The following THADA variants were observed in gnomAD, a reference collection of about 807,000 sequenced individuals.
The protein encoded by THADA is tRNA (32-2'-O)-methyltransferase regulator THADA.
In THADA, 213 loss-of-function variants were observed where a neutral mutation model predicts 219.8. The observed-to-expected ratio is 0.97, with a 90% CI of 0.87 to 1.09. The LOEUF is 1.09. Among genes scored for constraint, THADA ranks in the 50% least tolerant of loss-of-function variants. The pLI is 0.00. For missense variants in THADA, 2,956 were observed against 2,311.3 expected (o/e 1.28, Z -5.72); for synonymous variants, 1,018 against 828.9 (o/e 1.23, Z -3.92).
intron 29 of THADA, among the ~76,000 whole-genome samples, chr2:43,363,360 G>A (rs979495903): frequency 6.6e-6 from 1 of 152,134 alleles, no homozygotes; most frequent in Non-Finnish European, 1.5e-5. Flanking sequence ...ATAATCTTAT[G>A]GGACCACTGT....
At chr2:43,346,101 G>A (rs1053565075) in intron 29 of THADA, among the ~76,000 whole-genome samples, 14 of 152,032 alleles carry the variant, frequency 9.2e-5, no homozygotes, top group South Asian at 6.2e-4. Flanking sequence ...GAACTGTGGC[G>A]GAAATAAGCA....
chr2:43,544,110 A>G (rs1385892787), intron 20 of THADA, among the ~76,000 whole-genome samples: 2 of 152,162 alleles, frequency 1.3e-5, no homozygotes, highest in African/African-American at 4.8e-5. Context: ...TTTTCCCAGC[A>G]CCATTTATTA....
chr2:43,579,320 G>C, intron 8 of THADA, among the ~76,000 whole-genome samples: 1 of 152,128 alleles, frequency 6.6e-6, no homozygotes, highest in Non-Finnish European at 1.5e-5. Context: ...TTTTCAAAAA[G>C]AGATTTCAGG....
chr2:43,444,885 T>C (rs1558771245), intron 26 of THADA, among the ~76,000 whole-genome samples: 1 of 152,130 alleles, frequency 6.6e-6, no homozygotes, highest in Non-Finnish European at 1.5e-5. Flanking sequence ...AGTAAGGAAC[T>C]GCATAGGAAA....
chr2:43,361,223 T>C (rs1669484129), intron 29 of THADA, among the ~76,000 whole-genome samples: 1 of 152,196 alleles, frequency 6.6e-6, no homozygotes, highest in Non-Finnish European at 1.5e-5. Context: ...AGTCAAGACA[T>C]AGCTGGTAGC....
chr2:43,519,559 C>T (rs1558900108), intron 22 of THADA, among the ~76,000 whole-genome samples: 2 of 152,210 alleles, frequency 1.3e-5, no homozygotes, highest in Non-Finnish European at 2.9e-5. Flanking sequence ...TATTCAAGTC[C>T]TCACATCCCT....
chr2:43,284,775 C>T (rs1558517043), intron 35 of THADA, among the ~76,000 whole-genome samples: 1 of 152,214 alleles, frequency 6.6e-6, no homozygotes, highest in African/African-American at 2.4e-5. Context: ...CACTCAACAC[C>T]ACCCTGTGAA....
At chr2:43,461,020 T>G (rs908081531) in intron 26 of THADA, among the ~76,000 whole-genome samples, 11 of 152,062 alleles carry the variant, frequency 7.2e-5, no homozygotes, top group Non-Finnish European at 1.3e-4. Flanking sequence ...GAGGCAGAGG[T>G]GTATAAGGTT....
chr2:43,382,166 C>T (rs1331167643), intron 29 of THADA, among the ~76,000 whole-genome samples: 1 of 152,074 alleles, frequency 6.6e-6, no homozygotes, highest in Non-Finnish European at 1.5e-5. Context: ...AATGTGGTAA[C>T]CTGGATGGGA....
In THADA at chr2:43,308,758, C is replaced by CAAAAAAAAAAAAA. The variant is rs57697839; in HGVS notation, c.4438+11675_4438+11687dup. 5.9e-5 allele frequency among the ~76,000 whole-genome samples: 3 copies of CAAAAAAAAAAAAA among 50,862 alleles called. 1 individual carries two copies. The highest frequency in any genetic ancestry group is 3.0e-5 in the Non-Finnish European group (1 of 33,008). 33.4% of individuals were successfully genotyped at this position (50,862 alleles called of 152,430 possible). On this transcript the variant is annotated intron_variant, in intron 31 of 37. Coordinates refer to ENST00000405975, the MANE Select transcript of THADA (RefSeq NM_022065.5). ...GTGCTGAAACATTGGATACCCATAC[C>CAAAAAAAAAAAAA]AAAAAAAAAAAAAAAAAAAAAAAAA...
At chr2:43,455,401 T>G (rs930367420) in intron 26 of THADA, among the ~76,000 whole-genome samples, 3 of 152,168 alleles carry the variant, frequency 2.0e-5, no homozygotes, top group African/African-American at 7.2e-5. Context: ...TTTCTTTCTA[T>G]TGTTGATTAT....
At chr2:43,370,976 T>C (rs1670733794) in intron 29 of THADA, among the ~76,000 whole-genome samples, 2 of 152,198 alleles carry the variant, frequency 1.3e-5, no homozygotes, top group Admixed American at 1.3e-4. Flanking sequence ...AACTCCACAG[T>C]AACAAAAGAG....
At chr2:43,536,258 G>A (rs931264881) in intron 21 of THADA, among the ~76,000 whole-genome samples, 8 of 152,088 alleles carry the variant, frequency 5.3e-5, no homozygotes, top group Admixed American at 3.9e-4. Context: ...ATCAGTTGGC[G>A]GTAGATACAT....
intron 36 of THADA, among the ~76,000 whole-genome samples, chr2:43,250,123 C>G (rs1669663630): frequency 1.3e-5 from 2 of 152,166 alleles, no homozygotes; most frequent in African/African-American, 4.8e-5. Context: ...GCACTATTCA[C>G]AGTAGCCAAG....
At chr2:43,414,040 A>T (rs984638281) in intron 28 of THADA, among the ~76,000 whole-genome samples, 8 of 152,184 alleles carry the variant, frequency 5.3e-5, no homozygotes, top group African/African-American at 1.9e-4. Context: ...TACAATGTAA[A>T]TGTTATGTAA....
At chr2:43,304,160 C>G (rs1676577145) in intron 31 of THADA, among the ~76,000 whole-genome samples, 2 of 152,168 alleles carry the variant, frequency 1.3e-5, no homozygotes, top group African/African-American at 2.4e-5. Context: ...GGCCTTCACT[C>G]TTACGTCACT....
chr2:43,510,147 A>C (rs921835466), intron 22 of THADA, among the ~76,000 whole-genome samples: 1 of 152,240 alleles, frequency 6.6e-6, no homozygotes, highest in African/African-American at 2.4e-5. Context: ...GTGCCACTGC[A>C]CTGTGAACAT....
intron 29 of THADA, among the ~76,000 whole-genome samples, chr2:43,393,014 C>A (rs1321385335): frequency 6.6e-6 from 1 of 152,132 alleles, no homozygotes; most frequent in African/African-American, 2.4e-5. Context: ...TTTTGTCAAA[C>A]CCTTAAGGAT....
intron 36 of THADA, among the ~76,000 whole-genome samples, chr2:43,268,098 G>A (rs1671726028): frequency 6.6e-6 from 1 of 152,202 alleles, no homozygotes. Context: ...CCCACCTGCT[G>A]TTCTCTGCCT....
Sources: allele counts gnomAD v4.1 joint callset (sites outside exome capture counted in the v4.1 genomes callset), GRCh38; gene constraint gnomAD v4.1.1; transcripts MANE v1.5; gene names NCBI Gene and HGNC (gene_info 2026-07-23, HGNC 2026-07-21).